KCNC2: variants seen among roughly 807,000 people sequenced by gnomAD.
The protein encoded by KCNC2 is potassium voltage-gated channel subfamily C member 2.
KCNC2 carries 21 observed loss-of-function variants against 44.5 expected under a neutral mutation model. The observed-to-expected ratio is 0.47, with a 90% CI of 0.33 to 0.68. The LOEUF is 0.68. Among genes scored for constraint, KCNC2 ranks in the 30% least tolerant of loss-of-function variants. The pLI is 0.01. For missense variants in KCNC2, 589 were observed against 826.2 expected (o/e 0.71, Z 3.52); for synonymous variants, 391 against 339.1 (o/e 1.15, Z -1.68).
At chr12:75,101,985 G>C (rs992420878) in intron 2 of KCNC2, among the ~76,000 whole-genome samples, 2 of 152,074 alleles carry the variant, frequency 1.3e-5, no homozygotes, top group African/African-American at 4.8e-5. Flanking sequence ...ATAATAGTAT[G>C]TCTCGGCGGA....
intron 2 of KCNC2, among the ~76,000 whole-genome samples, chr12:75,072,029 A>G (rs1029847193): frequency 6.6e-6 from 1 of 150,644 alleles, no homozygotes; most frequent in Non-Finnish European, 1.5e-5. Flanking sequence ...ATCTGTTTAT[A>G]GAAATCACTC....
At chr12:75,176,507 C>G (rs1007870628) in intron 2 of KCNC2, among the ~76,000 whole-genome samples, 1 of 151,764 alleles carries the variant, frequency 6.6e-6, no homozygotes, top group Non-Finnish European at 1.5e-5. Flanking sequence ...ACTACTCTTC[C>G]CCTCTGCTCA....
chr12:75,096,246 A>G lies in KCNC2; in HGVS notation c.688-44929T>C, dbSNP rs541128918. 2.6e-5 allele frequency among the ~76,000 whole-genome samples: 4 copies of G among 152,120 alleles called. 1 individual carries two copies. The South Asian group carries it at 8.3e-4, about 32-fold the overall frequency. On this transcript the variant is annotated intron_variant, in intron 2 of 4. Transcript: ENST00000549446. ...TCTCCCCACAACTACAGGAGATTCA[A>G]TTTTCACATGAAAACTCAGGCGAAT... is the stretch of plus-strand genomic sequence containing the variant.
At chr12:75,075,211 T>C (rs147783066) in intron 2 of KCNC2, among the ~76,000 whole-genome samples, 2 of 152,188 alleles carry the variant, frequency 1.3e-5, no homozygotes, top group Non-Finnish European at 2.9e-5. Flanking sequence ...AAATGTGAAA[T>C]AGCTATACAT....
intron 2 of KCNC2, among the ~76,000 whole-genome samples, chr12:75,157,925 G>T (rs1234976603): frequency 6.6e-6 from 1 of 151,820 alleles, no homozygotes; most frequent in African/African-American, 2.4e-5. Flanking sequence ...TTTTCTCTTA[G>T]AACGGTTAAA....
At chr12:75,087,892 G>A (rs900424041) in intron 2 of KCNC2, among the ~76,000 whole-genome samples, 2 of 151,900 alleles carry the variant, frequency 1.3e-5, no homozygotes, top group Admixed American at 1.3e-4. Context: ...TGTTTCAAAT[G>A]AAACCCTTTG....
chr12:75,091,764 T>C (rs1271201824), intron 2 of KCNC2, among the ~76,000 whole-genome samples: 2 of 151,550 alleles, frequency 1.3e-5, no homozygotes, highest in Non-Finnish European at 3.0e-5. Context: ...TACAGTGCTA[T>C]GTTAAAAAAA....
chr12:75,199,703 G>A (rs558737462), intron 2 of KCNC2, among the ~76,000 whole-genome samples: 1 of 151,786 alleles, frequency 6.6e-6, no homozygotes, highest in East Asian at 1.9e-4. Context: ...GTCATCCCTG[G>A]GAAAACCCAC....
At chr12:75,144,207 A>G (rs1889855073) in intron 2 of KCNC2, among the ~76,000 whole-genome samples, 1 of 152,184 alleles carries the variant, frequency 6.6e-6, no homozygotes, top group Admixed American at 6.5e-5. Flanking sequence ...TAAAAAATTA[A>G]TATGTCATAA....
chr12:75,055,950 A>T (rs1232291498), intron 2 of KCNC2, among the ~76,000 whole-genome samples: 2 of 152,082 alleles, frequency 1.3e-5, no homozygotes, highest in Admixed American at 1.3e-4. Flanking sequence ...GCTCTATAAC[A>T]TATTCACAAA....
intron 2 of KCNC2, among the ~76,000 whole-genome samples, chr12:75,119,576 A>G (rs1887908823): frequency 6.6e-6 from 1 of 152,236 alleles, no homozygotes; most frequent in Non-Finnish European, 1.5e-5. Flanking sequence ...AAACCAGTTC[A>G]ACTTTCAAGG....
At chr12:75,174,084 C>T (rs1476076936) in intron 2 of KCNC2, among the ~76,000 whole-genome samples, 1 of 151,556 alleles carries the variant, frequency 6.6e-6, no homozygotes, top group Non-Finnish European at 1.5e-5. Flanking sequence ...TAATTTCCTT[C>T]ATATGAATTT....
At chr12:75,206,757 A>T (rs2446317) in intron 2 of KCNC2, among the ~76,000 whole-genome samples, 6 of 151,984 alleles carry the variant, frequency 3.9e-5, no homozygotes, top group Admixed American at 3.9e-4. Flanking sequence ...ATAAACCTCC[A>T]GGCAAACCTT....
At chr12:75,086,774 T>C (rs1885070266) in intron 2 of KCNC2, among the ~76,000 whole-genome samples, 2 of 150,766 alleles carry the variant, frequency 1.3e-5, no homozygotes, top group Admixed American at 1.3e-4. Flanking sequence ...AAGTGAACAT[T>C]TGAAATTTCT....
At chr12:75,119,785 A>G (rs903097117) in intron 2 of KCNC2, among the ~76,000 whole-genome samples, 1 of 152,242 alleles carries the variant, frequency 6.6e-6, no homozygotes, top group African/African-American at 2.4e-5. Context: ...CCTCCACCAC[A>G]AAGATTTTCT....
intron 2 of KCNC2, among the ~76,000 whole-genome samples, chr12:75,081,675 TAG>T (rs1884524241): frequency 6.6e-6 from 1 of 152,006 alleles, no homozygotes; most frequent in Admixed American, 6.6e-5. Flanking sequence ...TTCCAGATAA[TAG>T]AGTCATACTT....
rs191660324 is a variant in KCNC2 at position 75,093,364 on chromosome 12, C to T, written c.688-42047G>A. ...AGATTTGTCAAAACGTGTTCCTACC[C>T]TCATGTGGCTATGGAAAGGCAATCT... On this transcript the variant is annotated intron_variant, in intron 2 of 4. Transcript: ENST00000549446. Among the ~76,000 whole-genome samples the T allele has an allele frequency of 2.8e-4, 43 of 151,640 alleles. No homozygotes were observed. In the South Asian group the frequency reaches 6.0e-3, roughly 21 times the overall value.
At chr12:75,054,139 TC>T (rs1881485529) in intron 2 of KCNC2, among the ~76,000 whole-genome samples, 2 of 151,130 alleles carry the variant, frequency 1.3e-5, no homozygotes, top group African/African-American at 2.4e-5. Flanking sequence ...GGCAGGAGAA[TC>T]ACTTGAACCC....
intron 2 of KCNC2, among the ~76,000 whole-genome samples, chr12:75,110,291 A>G (rs1040084812): frequency 4.6e-5 from 7 of 152,168 alleles, no homozygotes; most frequent in African/African-American, 1.7e-4. Flanking sequence ...CCTTGTAAGC[A>G]TCTATACAAA....
Sources: gnomAD v4.1 joint callset for allele counts (sites outside exome capture counted in the v4.1 genomes callset) on GRCh38, gnomAD v4.1.1 for gene constraint, MANE v1.5 for transcripts, NCBI Gene and HGNC (gene_info 2026-07-23, HGNC 2026-07-21) for gene names.